GATA4: variants seen among roughly 807,000 people sequenced by gnomAD.
The protein encoded by GATA4 is transcription factor GATA-4.
Under a neutral mutation model 37.9 loss-of-function variants are expected in GATA4, and 7 were observed. That is an observed-to-expected ratio of 0.18 (90% CI 0.11 to 0.35). The LOEUF is 0.35. GATA4 is among the 10% of genes least tolerant of loss of function. GATA4 has a pLI of 1.00. For synonymous variants in GATA4, 372 were observed against 292.6 expected, an observed-to-expected ratio of 1.27 and a Z score of -2.77; for missense variants, 647 against 653.0, an observed-to-expected ratio of 0.99 and a Z score of 0.10.
At chr8:11,734,155 A>G (rs1365832842) in intron 2 of GATA4, among the ~76,000 whole-genome samples, 1 of 152,244 alleles carries the variant, frequency 6.6e-6, no homozygotes, top group Non-Finnish European at 1.5e-5. Flanking sequence ...TGGCTAAAAT[A>G]TATCTCCTAT....
chr8:11,753,416 C>A lies in GATA4; in HGVS notation c.913-1630C>A, dbSNP rs182306919. On this transcript the variant is annotated intron_variant, in intron 4 of 6. Coordinates refer to ENST00000532059, the MANE Select transcript of GATA4 (RefSeq NM_001308093.3). Reference sequence around the variant, plus strand: ...AGGCTTGCAGAACGGTGTGAATGCGCTTAACACTACAGAGCAATATACTTC... The same window carrying A: ...AGGCTTGCAGAACGGTGTGAATGCGATTAACACTACAGAGCAATATACTTC... 1.1e-3 allele frequency among the ~76,000 whole-genome samples: 164 copies of A among 151,538 alleles called. 1 individual carries two copies. The highest frequency in any genetic ancestry group is 3.5e-3 in the Admixed American group (54 of 15,214).
intron 2 of GATA4, among the ~76,000 whole-genome samples, chr8:11,740,639 G>A (rs1374745532): frequency 6.6e-6 from 1 of 152,234 alleles, no homozygotes; most frequent in Non-Finnish European, 1.5e-5. Flanking sequence ...AAATGTATTG[G>A]TATAGGGGCA....
At chr8:11,686,562 G>A (rs1453846438) in intron 1 of GATA4, among the ~76,000 whole-genome samples, 1 of 152,172 alleles carries the variant, frequency 6.6e-6, no homozygotes, top group Non-Finnish European at 1.5e-5. Context: ...TACAAGGCAA[G>A]CAAGGCCGAG....
chr8:11,688,017 A>G (rs1336507866), upstream of GATA4, among the ~76,000 whole-genome samples: 3 of 152,228 alleles, frequency 2.0e-5, no homozygotes. Context: ...AAGCAGGTTA[A>G]TAAGTATACC....
intron 2 of GATA4, among the ~76,000 whole-genome samples, chr8:11,734,675 T>A (rs1801370461): frequency 6.6e-6 from 1 of 152,012 alleles, no homozygotes; most frequent in Non-Finnish European, 1.5e-5. Context: ...TTAGTAGAGA[T>A]GGGGGGGTTT....
intron 1 of GATA4, among the ~76,000 whole-genome samples, chr8:11,682,516 T>C (rs1425537035): frequency 6.6e-6 from 1 of 152,268 alleles, no homozygotes; most frequent in Admixed American, 6.5e-5. Flanking sequence ...AGATAGTAGA[T>C]GCTTTTCATT....
chr8:11,697,203 A>T (rs1799532913), intron 1 of GATA4, among the ~76,000 whole-genome samples: 1 of 152,214 alleles, frequency 6.6e-6, no homozygotes. Flanking sequence ...AGGGGGCAGC[A>T]CCAGAAGTCC....
At chr8:11,729,805 T>G (rs530673978) in intron 2 of GATA4, among the ~76,000 whole-genome samples, 7 of 152,326 alleles carry the variant, frequency 4.6e-5, no homozygotes, top group African/African-American at 1.7e-4. Flanking sequence ...TGCTCAATTC[T>G]GAGTGAGTTT....
chr8:11,698,707 A>C (rs1167374909), intron 1 of GATA4, among the ~76,000 whole-genome samples: 2 of 152,092 alleles, frequency 1.3e-5, no homozygotes, highest in East Asian at 3.9e-4. Flanking sequence ...CGCCAGTCTA[A>C]CAGCCTAAGC....
At chr8:11,745,411 CAA>C (rs3030049) in intron 2 of GATA4, among the ~76,000 whole-genome samples, 1,131 of 103,986 alleles carry the variant, frequency 0.011, 13 homozygotes, top group African/African-American at 0.048. Context: ...TTGTCTCTAC[CAA>C]AAAAAAAAAA....
chr8:11,690,704 T>TACAA (rs925102482), upstream of GATA4, among the ~76,000 whole-genome samples: 7 of 152,064 alleles, frequency 4.6e-5, no homozygotes, highest in African/African-American at 1.4e-4. Flanking sequence ...ACCCCGTCTT[T>TACAA]ACAAACAAAC....
upstream of GATA4, chr8:11,692,530 T>G: frequency 1.0e-6 from 1 of 985,464 alleles, no homozygotes; most frequent in Non-Finnish European, 1.2e-6. Flanking sequence ...ACTATGCTCA[T>G]GCGGATCTAG....
At chr8:11,734,719 A>C (rs1394633456) in intron 2 of GATA4, among the ~76,000 whole-genome samples, 1 of 151,954 alleles carries the variant, frequency 6.6e-6, no homozygotes, top group Non-Finnish European at 1.5e-5. Flanking sequence ...CGAACTCTTG[A>C]CCTCAGGTGA....
At chr8:11,721,824 C>T (rs770466739) in intron 2 of GATA4, among the ~76,000 whole-genome samples, 2 of 152,132 alleles carry the variant, frequency 1.3e-5, no homozygotes, top group Non-Finnish European at 1.5e-5. Context: ...TAGATAATTA[C>T]AGGGGACAAT....
chr8:11,677,262 CAGGA>C (rs1778291648), intron 1 of GATA4, among the ~76,000 whole-genome samples: 1 of 152,188 alleles, frequency 6.6e-6, no homozygotes, highest in South Asian at 2.1e-4. Context: ...CCTTTGCGGA[CAGGA>C]AGGAAGGATG....
intron 1 of GATA4, chr8:11,698,054 C>T (rs1284473305): frequency 1.0e-6 from 1 of 974,678 alleles, no homozygotes; most frequent in Non-Finnish European, 1.2e-6. Context: ...CGGTCGGGTT[C>T]TCTCTCCTCC....
At chr8:11,697,273 G>A (rs934193517) in intron 1 of GATA4, among the ~76,000 whole-genome samples, 1 of 152,256 alleles carries the variant, frequency 6.6e-6, no homozygotes, top group African/African-American at 2.4e-5. Flanking sequence ...TAACGAGGGG[G>A]ATGAGTGGAA....
At chr8:11,683,405 C>T (rs1270593679) in intron 1 of GATA4, among the ~76,000 whole-genome samples, 1 of 152,032 alleles carries the variant, frequency 6.6e-6, no homozygotes, top group Non-Finnish European at 1.5e-5. Context: ...TAGGAAGTAG[C>T]AGAATCCTTT....
intron 2 of GATA4, among the ~76,000 whole-genome samples, chr8:11,715,136 C>G (rs2409812): frequency 0.051 from 7,791 of 152,118 alleles, 682 homozygotes; most frequent in African/African-American, 0.18. Context: ...GGAATCCTCA[C>G]AAAGACATTT....
Sources: allele counts gnomAD v4.1 joint callset (sites outside exome capture counted in the v4.1 genomes callset), GRCh38; gene constraint gnomAD v4.1.1; transcripts MANE v1.5; gene names NCBI Gene and HGNC (gene_info 2026-07-23, HGNC 2026-07-21).